The following SDK1 variants were observed in gnomAD, a reference collection of about 807,000 sequenced individuals.
SDK1 encodes sidekick cell adhesion molecule 1, also known as protein sidekick-1.
SDK1 carries 157 observed loss-of-function variants against 245.5 expected under a neutral mutation model. That is an observed-to-expected ratio of 0.64 (90% confidence interval 0.56 to 0.73). The LOEUF is 0.73. SDK1 is among the 30% of genes least tolerant of loss of function. The pLI, the probability that SDK1 is intolerant of heterozygous loss-of-function variation, is 0.00. For synonymous variants in SDK1, 1,647 were observed against 1,278.5 expected, an observed-to-expected ratio of 1.29 and a Z score of -6.15; for missense variants, 3,583 against 3,002.3, an observed-to-expected ratio of 1.19 and a Z score of -4.52.
intron 4 of SDK1, among the ~76,000 whole-genome samples, chr7:3,715,581 A>G (rs1232938934): frequency 6.6e-6 from 1 of 152,242 alleles, no homozygotes; most frequent in African/African-American, 2.4e-5. Context: ...AGAACAAAGG[A>G]GACCAGGACA....
chr7:3,447,113 A>T (rs894530933), intron 1 of SDK1, among the ~76,000 whole-genome samples: 26 of 152,216 alleles, frequency 1.7e-4, no homozygotes, highest in Non-Finnish European at 3.2e-4. Flanking sequence ...AATACATCTC[A>T]TTTAAGAAGT....
intron 5 of SDK1, among the ~76,000 whole-genome samples, chr7:3,838,248 C>T (rs183434820): frequency 2.2e-3 from 339 of 152,240 alleles, no homozygotes; most frequent in Non-Finnish European, 3.8e-3. Context: ...GTGCCAGGCA[C>T]GGAAGTTAGG....
intron 5 of SDK1, among the ~76,000 whole-genome samples, chr7:3,843,311 G>A (rs1222282880): frequency 1.3e-5 from 2 of 152,184 alleles, no homozygotes; most frequent in Non-Finnish European, 2.9e-5. Context: ...ATGTGAGTGG[G>A]ATTTGAAGCC....
At chr7:3,963,856 A>T (rs1310319779) in intron 9 of SDK1, among the ~76,000 whole-genome samples, 2 of 152,046 alleles carry the variant, frequency 1.3e-5, no homozygotes, top group Non-Finnish European at 2.9e-5. Flanking sequence ...CAGTGGGTAC[A>T]CCTAAGCTCA....
chr7:4,102,482 A>G (rs570403114), intron 22 of SDK1, among the ~76,000 whole-genome samples: 6 of 152,132 alleles, frequency 3.9e-5, no homozygotes, highest in Non-Finnish European at 8.8e-5. Flanking sequence ...CTCTGGATGG[A>G]GGGGGGCCAC....
At chr7:3,807,348 G>A (rs964493902) in intron 4 of SDK1, among the ~76,000 whole-genome samples, 1 of 152,182 alleles carries the variant, frequency 6.6e-6, no homozygotes, top group African/African-American at 2.4e-5. Flanking sequence ...CATAACTCGG[G>A]TGGTGTGGGG....
chr7:4,156,939 G>T (rs1284158946), intron 30 of SDK1, among the ~76,000 whole-genome samples: 1 of 152,210 alleles, frequency 6.6e-6, no homozygotes, highest in Non-Finnish European at 1.5e-5. Flanking sequence ...GGTAACAGAG[G>T]TTAAGAGTCC....
intron 1 of SDK1, among the ~76,000 whole-genome samples, chr7:3,501,916 T>G (rs1007654874): frequency 6.6e-6 from 1 of 152,224 alleles, no homozygotes; most frequent in South Asian, 2.1e-4. Flanking sequence ...TGATTCTTAT[T>G]CTTGGTTAAT....
chr7:3,957,937 G>C (rs1781396530), intron 7 of SDK1: 1 of 469,964 alleles, frequency 2.1e-6, no homozygotes, highest in Non-Finnish European at 4.4e-6. Flanking sequence ...GGTAATCGCA[G>C]AAGTGAAACA....
At chr7:4,083,734 A>ACTTCCTCCCTCCCTCCTTTACTTGC (rs1562785192) in intron 22 of SDK1, among the ~76,000 whole-genome samples, 2 of 4,114 alleles carry the variant, frequency 4.9e-4, no homozygotes, top group African/African-American at 1.4e-3. Context: ...TACTTCCTCC[A>ACTTCCTCCCTCCCTCCTTTACTTGC]TCCCTCCCTT....
chr7:3,574,646 C>T lies in SDK1; in HGVS notation c.299-44434C>T, dbSNP rs557902429. On this transcript the variant is annotated intron_variant, in intron 1 of 44. Transcript: ENST00000404826. Reference sequence around the variant, plus strand: ...CTGTAATCCCAGTCCGCATCATTCCCCTCCACGCATACATTTTATGCAGCT... The same window carrying T: ...CTGTAATCCCAGTCCGCATCATTCCTCTCCACGCATACATTTTATGCAGCT... 8.5e-5 allele frequency among the ~76,000 whole-genome samples: 13 copies of T among 152,216 alleles called. No individual in the cohort carries two copies. In the South Asian group the frequency reaches 2.1e-3, roughly 24 times the overall value.
chr7:3,422,749 G>T (rs1583834531), intron 1 of SDK1, among the ~76,000 whole-genome samples: 1 of 152,296 alleles, frequency 6.6e-6, no homozygotes, highest in East Asian at 1.9e-4. Context: ...AAAGGTGGGG[G>T]AAAAGCAGGA....
At chr7:3,425,926 G>C (rs1280029446) in intron 1 of SDK1, among the ~76,000 whole-genome samples, 2 of 151,636 alleles carry the variant, frequency 1.3e-5, no homozygotes, top group African/African-American at 4.9e-5. Context: ...CTAGAAATCA[G>C]GTGGGTTAAA....
At chr7:3,492,754 C>T (rs942138663) in intron 1 of SDK1, among the ~76,000 whole-genome samples, 2 of 152,116 alleles carry the variant, frequency 1.3e-5, no homozygotes, top group South Asian at 2.1e-4. Context: ...AACAAAGTCC[C>T]ACCTCATTGG....
At chr7:4,198,559 A>C (rs1268838491) in intron 35 of SDK1, among the ~76,000 whole-genome samples, 1 of 152,138 alleles carries the variant, frequency 6.6e-6, no homozygotes. Flanking sequence ...GAACACCGCC[A>C]CACCCGTGCA....
At chr7:3,587,344 A>G (rs1780724024) in intron 1 of SDK1, among the ~76,000 whole-genome samples, 1 of 151,840 alleles carries the variant, frequency 6.6e-6, no homozygotes, top group South Asian at 2.1e-4. Flanking sequence ...GAGATTTATT[A>G]GAAGGTGTTG....
chr7:3,552,078 G>T (rs961026995), intron 1 of SDK1, among the ~76,000 whole-genome samples: 2 of 150,900 alleles, frequency 1.3e-5, no homozygotes, highest in Non-Finnish European at 1.5e-5. Flanking sequence ...TCGCTCTGTC[G>T]CCCAGGCTGG....
intron 4 of SDK1, among the ~76,000 whole-genome samples, chr7:3,714,513 A>T (rs958002201): frequency 6.6e-6 from 1 of 152,208 alleles, no homozygotes; most frequent in Non-Finnish European, 1.5e-5. Context: ...CTCATTTCAC[A>T]TCAGTCCTTT....
At chr7:4,242,781 T>C (rs533864069) in intron 43 of SDK1, among the ~76,000 whole-genome samples, 1 of 152,274 alleles carries the variant, frequency 6.6e-6, no homozygotes, top group East Asian at 1.9e-4. Context: ...TCCTCTTCCC[T>C]TTACTGTTTA....
Sources: allele counts gnomAD v4.1 joint callset (sites outside exome capture counted in the v4.1 genomes callset), GRCh38; gene constraint gnomAD v4.1.1; transcripts MANE v1.5; gene names NCBI Gene and HGNC (gene_info 2026-07-23, HGNC 2026-07-21).